MCPH1: variants seen among roughly 807,000 people sequenced by gnomAD.
MCPH1 encodes the protein microcephalin.
A neutral mutation model predicts 84.5 loss-of-function variants in MCPH1; 104 were observed. That is an observed-to-expected ratio of 1.23 (90% confidence interval 1.05 to 1.45). The LOEUF is 1.45. Among genes scored for constraint, MCPH1 ranks in the 40% most tolerant of loss-of-function variants. The pLI, the probability that MCPH1 is intolerant of heterozygous loss-of-function variation, is 0.00. For synonymous variants in MCPH1, 514 were observed against 366.8 expected, an observed-to-expected ratio of 1.40 and a Z score of -4.58; for missense variants, 1,498 against 1,005.7, an observed-to-expected ratio of 1.49 and a Z score of -6.62.
At chr8:6,409,519 G>C (rs978844677) in intron 2 of MCPH1, 149 bp downstream of exon 2, 10 of 692,546 alleles carry the variant, frequency 1.4e-5, no homozygotes, top group Non-Finnish European at 2.1e-5. Flanking sequence ...AAAGTGTGAA[G>C]AATTTAGAAC....
intron 3 of MCPH1, among the ~76,000 whole-genome samples, chr8:6,418,009 A>T (rs960308135): frequency 2.0e-5 from 3 of 152,200 alleles, no homozygotes; most frequent in South Asian, 2.1e-4. Context: ...AGTTGCTTAG[A>T]TGCGCCCTTT....
At chr8:6,620,623 A>T (rs1006944234) in intron 12 of MCPH1, among the ~76,000 whole-genome samples, 6 of 152,234 alleles carry the variant, frequency 3.9e-5, no homozygotes, top group Non-Finnish European at 8.8e-5. Context: ...ATATTGTAGG[A>T]AAAATAAGCA....
chr8:6,634,086 A>G (rs56375726), intron 13 of MCPH1, among the ~76,000 whole-genome samples: 6,188 of 152,254 alleles, frequency 0.041, 145 homozygotes, highest in Middle Eastern at 0.085. Flanking sequence ...AAAAATAGAA[A>G]AACTCTACGT....
At chr8:6,588,568 G>T (rs565182565) in intron 12 of MCPH1, among the ~76,000 whole-genome samples, 117 of 152,320 alleles carry the variant, frequency 7.7e-4, no homozygotes, top group African/African-American at 2.8e-3. Context: ...GCGTAAGTCT[G>T]GTTGAACCAG....
intron 4 of MCPH1, among the ~76,000 whole-genome samples, chr8:6,433,679 A>G (rs1404711409): frequency 6.6e-6 from 1 of 151,250 alleles, no homozygotes; most frequent in Non-Finnish European, 1.5e-5. Flanking sequence ...ACTCTGACCA[A>G]TATTGGATGT....
chr8:6,637,638 T>C (rs967617686), intron 13 of MCPH1, among the ~76,000 whole-genome samples: 9 of 152,284 alleles, frequency 5.9e-5, no homozygotes, highest in African/African-American at 1.9e-4. Flanking sequence ...CTGCGGTATA[T>C]GTTTGTTTAC....
intron 9 of MCPH1, among the ~76,000 whole-genome samples, chr8:6,465,630 C>A (rs754925971): frequency 6.6e-6 from 1 of 152,154 alleles, no homozygotes; most frequent in Non-Finnish European, 1.5e-5. Context: ...GGAACTGCGA[C>A]AGCGGAGGAG....
chr8:6,406,820 C>A (rs1485111841), intron 1 of MCPH1, 131 bp downstream of exon 1: 2 of 888,658 alleles, frequency 2.3e-6, no homozygotes, highest in African/African-American at 1.8e-5. Context: ...CTCCCCCAGA[C>A]CCCCTGCCGC....
rs975014439 is a variant in MCPH1 at position 6,534,673 on chromosome 8, C to G, written c.2214+34744C>G. 3.3e-5 allele frequency among the ~76,000 whole-genome samples: 5 copies of G among 152,306 alleles called. No individual in the cohort carries two copies. The East Asian group carries it at 7.7e-4, about 23-fold the overall frequency. On this transcript the variant is annotated intron_variant, in intron 12 of 13. Coordinates refer to ENST00000344683, the MANE Select transcript of MCPH1 (RefSeq NM_024596.5). ...ATTTAAAAAAATAAAAAATCAGTCACTGATACCCGGCAGGCCAGCAACCAT... is the reference window on the plus strand; with the variant it reads ...ATTTAAAAAAATAAAAAATCAGTCAGTGATACCCGGCAGGCCAGCAACCAT...
intron 12 of MCPH1, among the ~76,000 whole-genome samples, chr8:6,608,168 G>C (rs1273077733): frequency 6.6e-6 from 1 of 152,198 alleles, no homozygotes; most frequent in Non-Finnish European, 1.5e-5. Context: ...GAGGGTGGGA[G>C]AGGTCGCACG....
In MCPH1 at chr8:6,450,855, A is replaced by C. The variant is rs541711522; in HGVS notation, c.1826-4288A>C. Reference sequence around the variant, plus strand: ...CTTACTGGGCTCAAGTGATCCTCCCACCTCAGCATCCTGAGTAGCTGGGAC... The same window carrying C: ...CTTACTGGGCTCAAGTGATCCTCCCCCCTCAGCATCCTGAGTAGCTGGGAC... On this transcript the variant is annotated intron_variant, in intron 8 of 13. Coordinates refer to ENST00000344683, the MANE Select transcript of MCPH1 (RefSeq NM_024596.5). Among the ~76,000 whole-genome samples the C allele has an allele frequency of 3.3e-5, 5 of 152,108 alleles. No homozygotes were observed. The East Asian group carries it at 5.8e-4, about 18-fold the overall frequency.
intron 12 of MCPH1, among the ~76,000 whole-genome samples, chr8:6,530,381 C>T (rs1237009541): frequency 2.6e-5 from 4 of 151,962 alleles, no homozygotes; most frequent in Non-Finnish European, 4.4e-5. Context: ...TGGTAGCCTG[C>T]ACCTGTAATC....
intron 12 of MCPH1, chr8:6,521,403 C>T (rs750688257): frequency 1.9e-6 from 3 of 1,607,740 alleles, no homozygotes; most frequent in Non-Finnish European, 2.5e-6. Context: ...ACCTTCTTTT[C>T]TAGGAAACTT....
intron 3 of MCPH1, among the ~76,000 whole-genome samples, chr8:6,420,690 A>T (rs1050693333): frequency 6.6e-6 from 1 of 152,120 alleles, no homozygotes; most frequent in African/African-American, 2.4e-5. Context: ...GACAAGTATC[A>T]TGTCTTGCTT....
intron 12 of MCPH1, among the ~76,000 whole-genome samples, chr8:6,601,989 T>C (rs73511018): frequency 0.037 from 5,595 of 152,328 alleles, 353 homozygotes; most frequent in African/African-American, 0.13. Flanking sequence ...AGTATGTCTC[T>C]TCTGCTAGAT....
rs531904343 is a variant in MCPH1, at chr8:6,568,029, A to G, written c.2215-53425A>G. ...GGCAACTGACATTTCAGAGGTTCCC[A>G]TGTGTTCTCTGTGGAACTGTCTCAA... On this transcript the variant is annotated intron_variant, in intron 12 of 13. Coordinates refer to ENST00000344683, the MANE Select transcript of MCPH1 (RefSeq NM_024596.5). Among the ~76,000 whole-genome samples the G allele has an allele frequency of 2.0e-5, 3 of 152,204 alleles. No individual in the cohort carries two copies. In the East Asian group the frequency reaches 5.8e-4, roughly 29 times the overall value.
rs566721410 is a variant in MCPH1 at position 6,482,018 on chromosome 8, G to T, written c.2136+1142G>T. 3.9e-5 allele frequency among the ~76,000 whole-genome samples: 6 copies of T among 152,272 alleles called. No homozygotes were observed. The South Asian group carries it at 1.2e-3, about 32-fold the overall frequency. On this transcript the variant is annotated intron_variant, in intron 11 of 13. Transcript: ENST00000344683. The stretch of plus-strand genomic sequence containing the variant: ...CTCCATTCTCCCTGGGATGTGAATC[G>T]TCCTTCAGTCCAGCCTGTGCATGGA...
chr8:6,584,589 G>A (rs568327160), intron 12 of MCPH1, among the ~76,000 whole-genome samples: 1 of 152,014 alleles, frequency 6.6e-6, no homozygotes, highest in East Asian at 1.9e-4. Context: ...TATAACCGGG[G>A]GAGGAAAAAA....
intron 12 of MCPH1, among the ~76,000 whole-genome samples, chr8:6,541,620 A>G (rs538325060): frequency 4.6e-4 from 70 of 152,284 alleles, no homozygotes; most frequent in Non-Finnish European, 8.4e-4. Flanking sequence ...TTTTTGGGAT[A>G]CTTTGTTAAA....
Sources: gnomAD v4.1 joint callset for allele counts (sites outside exome capture counted in the v4.1 genomes callset) on GRCh38, gnomAD v4.1.1 for gene constraint, MANE v1.5 for transcripts, NCBI Gene and HGNC (gene_info 2026-07-23, HGNC 2026-07-21) for gene names.